INTS6: variants seen among roughly 807,000 people sequenced by gnomAD.
INTS6 encodes the protein DEAD box protein.
A neutral mutation model predicts 104.9 loss-of-function variants in INTS6; 16 were observed. The ratio of observed to expected loss-of-function variants is 0.15; its 90% confidence interval spans 0.10 to 0.23. The LOEUF (loss-of-function observed/expected upper bound fraction) is 0.23. Among genes scored for constraint, INTS6 ranks in the 10% least tolerant of loss-of-function variants. The probability of loss-of-function intolerance (pLI) is 1.00; values close to 1 mark genes in which losing one functional copy is unlikely to be tolerated. For missense variants in INTS6, 584 were observed against 1,062.8 expected, an observed-to-expected ratio of 0.55 and a Z score of 6.26; for synonymous variants, 324 against 358.7, an observed-to-expected ratio of 0.90 and a Z score of 1.09.
intron 17 of INTS6, among the ~76,000 whole-genome samples, chr13:51,366,281 C>T (rs1030225776): frequency 1.3e-5 from 2 of 151,888 alleles, no homozygotes; most frequent in Admixed American, 6.6e-5. Context: ...TAATCTCCCA[C>T]AAAATGGAAG....
chr13:51,397,454 G>C (rs1956359341), intron 4 of INTS6, among the ~76,000 whole-genome samples: 1 of 152,186 alleles, frequency 6.6e-6, no homozygotes. Flanking sequence ...CAACAGAGAA[G>C]GAATGCTGAA....
At chr13:51,448,682 T>C (rs1366988894) in intron 3 of INTS6, 2 of 152,196 alleles carry the variant, frequency 1.3e-5, no homozygotes, top group African/African-American at 2.4e-5. Context: ...CAAATATATA[T>C]ATTAACCCAG....
intron 3 of INTS6, chr13:51,449,098 C>T (rs1018797533): frequency 2.0e-5 from 3 of 152,156 alleles, no homozygotes; most frequent in African/African-American, 7.2e-5. Context: ...ATTCAATACT[C>T]TTTACTCAAA....
At chr13:51,341,303 G>A in the INTS6 span, 3 of 1,612,322 alleles carry the variant, frequency 1.9e-6, no homozygotes, top group South Asian at 2.2e-5. Flanking sequence ...GCAGAAGGGA[G>A]CACTGGTCAG....
chr13:51,364,199 A>G lies in INTS6; in HGVS notation c.*1553T>C, dbSNP rs1315546112. On this transcript the variant is annotated 3_prime_UTR_variant, in exon 18 of 18. Coordinates refer to ENST00000311234, the MANE Select transcript of INTS6 (RefSeq NM_012141.3). ...AACAAAGCTTAAAGAACTGCATATGAAAATACTATATAATATTAAATTCTT... is the reference window on the plus strand; with the variant it reads ...AACAAAGCTTAAAGAACTGCATATGGAAATACTATATAATATTAAATTCTT... 1 of 1,053,234 alleles carries G rather than the reference A, an allele frequency of 9.5e-7. No individual in the cohort carries two copies. Among genetic ancestry groups the G allele is most frequent in the South Asian group, 1.6e-5 (1 of 63,010 alleles). 65.2% of individuals were successfully genotyped at this position (1,053,234 alleles called of 1,614,324 possible).
rs896364906 is a variant in INTS6, at chr13:51,380,309, T to C, written c.1276-737A>G. The stretch of plus-strand genomic sequence containing the variant: ...GAAGTACTTTATACGATGAAAAATA[T>C]CACTAGCAAGAGTGTCTAGCATTTG... On this transcript the variant is annotated intron_variant, in intron 10 of 17. Transcript: ENST00000311234. 9.9e-5 allele frequency among the ~76,000 whole-genome samples: 15 copies of C among 152,228 alleles called. No individual in the cohort carries two copies. The Middle Eastern group carries it at 0.01, about 104-fold the overall frequency.
chr13:51,369,815 G>A (rs1001385627), intron 15 of INTS6, among the ~76,000 whole-genome samples: 2 of 152,156 alleles, frequency 1.3e-5, no homozygotes, highest in African/African-American at 4.8e-5. Context: ...AACAGGTAAT[G>A]TTTTACAGTA....
Position 51,363,953 on chromosome 13 carries a change from T to TAGA in INTS6, c.*1798_*1799insTCT, listed in dbSNP as rs1207758614. 4.5e-6 allele frequency: 1 copy of TAGA among 224,576 alleles called. No homozygotes were observed. Among genetic ancestry groups the TAGA allele is most frequent in the East Asian group, 8.9e-5 (1 of 11,274 alleles). 13.9% of individuals were successfully genotyped at this position (224,576 alleles called of 1,614,324 possible). On this transcript the variant is annotated 3_prime_UTR_variant, in exon 18 of 18. Coordinates refer to ENST00000311234, the MANE Select transcript of INTS6 (RefSeq NM_012141.3). Reference sequence around the variant, plus strand: ...TCAATATTGGGATGGGCTGAATCTCTTTCCTAGATACTCTTGTTAAGTATG... The same window carrying TAGA: ...TCAATATTGGGATGGGCTGAATCTCTAGATTCCTAGATACTCTTGTTAAGTATG...
downstream of INTS6, among the ~76,000 whole-genome samples, chr13:51,352,461 G>A (rs948547015): frequency 6.6e-6 from 1 of 151,256 alleles, no homozygotes; most frequent in African/African-American, 2.4e-5. Context: ...TCATTTATTA[G>A]CTCTGATAGG....
chr13:51,341,299 G>A, the INTS6 span: 4 of 1,613,176 alleles, frequency 2.5e-6, no homozygotes, highest in Non-Finnish European at 3.4e-6. Flanking sequence ...TGGAGCAGAA[G>A]GGAGCACTGG....
the INTS6 span, chr13:51,348,405 T>G: frequency 1.8e-5 from 29 of 1,613,156 alleles, no homozygotes; most frequent in Non-Finnish European, 4.2e-6. Flanking sequence ...GATGTGTTCC[T>G]GCCCAGGTGA....
chr13:51,439,633 C>T (rs1429419373), intron 3 of INTS6: 1 of 152,198 alleles, frequency 6.6e-6, no homozygotes, highest in Non-Finnish European at 1.5e-5. Context: ...CCCTAAACCC[C>T]CATCCCAACC....
chr13:51,385,125 C>A (rs925795131), intron 7 of INTS6: 2 of 153,112 alleles, frequency 1.3e-5, no homozygotes, highest in African/African-American at 4.8e-5. Flanking sequence ...ATGCCAAGTA[C>A]TTATTTTCTC....
At chr13:51,343,077 G>A in the INTS6 span, among the ~76,000 whole-genome samples, 492 of 152,296 alleles carry the variant, frequency 3.2e-3, 1 homozygote, top group African/African-American at 0.011. Flanking sequence ...GAGAACATTA[G>A]CCAGGAAACT....
chr13:51,357,602 T>A (rs928775783), downstream of INTS6, among the ~76,000 whole-genome samples: 1 of 152,036 alleles, frequency 6.6e-6, no homozygotes, highest in Non-Finnish European at 1.5e-5. Flanking sequence ...CATCAAATAT[T>A]TTTTTTGCTG....
chr13:51,451,730 C>CGCCGCCGCCGCCGCCGCT (rs1953054584), intron 2 of INTS6, among the ~76,000 whole-genome samples: 1 of 149,794 alleles, frequency 6.7e-6, no homozygotes, highest in African/African-American at 2.4e-5. Context: ...GCGCCGCCGC[C>CGCCGCCGCCGCCGCCGCT]GCCGCCGCCG....
rs1955971969 is a variant in INTS6 at position 51,378,222 on chromosome 13, A to G, written c.1602+17T>C. On this transcript the variant is annotated intron_variant, in intron 12 of 17. Coordinates refer to ENST00000311234, the MANE Select transcript of INTS6 (RefSeq NM_012141.3). ...AACAGAACATAACTAGAGTAGCACT[A>G]AATTCATGATTATTACCTTATTCAG... The G allele has an allele frequency of 6.4e-7, 1 of 1,564,778 alleles. No homozygotes were observed. The highest frequency in any genetic ancestry group is 8.8e-7 in the Non-Finnish European group (1 of 1,135,724).
intron 4 of INTS6, 25 bp from the exon 5 acceptor site, chr13:51,395,508 A>G: frequency 6.3e-7 from 1 of 1,592,414 alleles, no homozygotes; most frequent in Non-Finnish European, 8.5e-7. Flanking sequence ...GAAAAACAGT[A>G]ATAAGAATTC....
intron 3 of INTS6, chr13:51,447,607 C>T (rs1368117445): frequency 1.3e-5 from 2 of 151,884 alleles, no homozygotes; most frequent in African/African-American, 4.8e-5. Flanking sequence ...ATTCTAACTC[C>T]TGGAACAATT....
Sources: gnomAD v4.1 joint callset for allele counts (sites outside exome capture counted in the v4.1 genomes callset) on GRCh38, gnomAD v4.1.1 for gene constraint, MANE v1.5 for transcripts, NCBI Gene and HGNC (gene_info 2026-07-23, HGNC 2026-07-21) for gene names.